Variants in SLC18A1 observed in about 807,000 individuals in gnomAD.
SLC18A1 encodes the protein chromaffin granule amine transporter.
SLC18A1 carries 69 observed loss-of-function variants against 53.7 expected under a neutral mutation model. The observed-to-expected ratio is 1.28, with a 90% confidence interval of 1.06 to 1.57. The LOEUF is 1.57. Ranked by LOEUF, SLC18A1 falls within the 40% of genes most tolerant of loss-of-function variation. SLC18A1 has a pLI of 0.00. For synonymous variants in SLC18A1, 320 were observed against 248.1 expected (o/e 1.29, Z -2.72); for missense variants, 932 against 668.1 (o/e 1.40, Z -4.35).
intron 10 of SLC18A1, among the ~76,000 whole-genome samples, chr8:20,161,126 C>T (rs930615567): frequency 6.6e-6 from 1 of 152,128 alleles, no homozygotes; most frequent in African/African-American, 2.4e-5. Context: ...TTCAATCCAT[C>T]CCAATAGTTT....
At chr8:20,151,294 A>G (rs2071548991) in intron 10 of SLC18A1, among the ~76,000 whole-genome samples, 1 of 151,976 alleles carries the variant, frequency 6.6e-6, no homozygotes, top group Admixed American at 6.6e-5. Context: ...GCCTAGCCTC[A>G]GTACATTTAA....
At chr8:20,174,068 TTCTC>T (rs1435629347) in intron 5 of SLC18A1, among the ~76,000 whole-genome samples, 2 of 151,866 alleles carry the variant, frequency 1.3e-5, no homozygotes, top group Non-Finnish European at 2.9e-5. Flanking sequence ...GGCTAACTTA[TTCTC>T]TCTTTTTTTT....
chr8:20,166,289 C>CTATATATATA (rs1181101416), intron 8 of SLC18A1, among the ~76,000 whole-genome samples: 45 of 107,244 alleles, frequency 4.2e-4, no homozygotes, highest in South Asian at 1.5e-3. Flanking sequence ...GTGTGTGTGT[C>CTATATATATA]TATATATATA....
At chr8:20,165,241 C>A (rs2071927997) in intron 8 of SLC18A1, 134 bp from the exon 9 acceptor site, 7 of 760,716 alleles carry the variant, frequency 9.2e-6, no homozygotes, top group Non-Finnish European at 1.5e-5. Context: ...AGACCAGGAA[C>A]CCCAGTACAG....
At chr8:20,180,182 G>A (rs898257714) in intron 2 of SLC18A1, among the ~76,000 whole-genome samples, 2 of 150,780 alleles carry the variant, frequency 1.3e-5, no homozygotes, top group Admixed American at 1.3e-4. Flanking sequence ...CTAATTCAGT[G>A]TTTGCAGCGA....
rs777605124 is a variant in SLC18A1, at chr8:20,178,416, G to T, written c.547+19C>A. ...AAGGTAATCAGTGAAGGGAAGAAAA[G>T]AGGAAGCAAATTACTTACTAACTGT... On this transcript the variant is annotated intron_variant, in intron 4 of 15. Coordinates refer to ENST00000276373, the MANE Select transcript of SLC18A1 (RefSeq NM_003053.4). 6 of 1,599,502 alleles carry T rather than the reference G, an allele frequency of 3.8e-6. No individual in the cohort carries two copies. Among genetic ancestry groups the T allele is most frequent in the Non-Finnish European group, 4.3e-6 (5 of 1,171,082 alleles).
intron 8 of SLC18A1, 77 bp downstream of exon 8, chr8:20,171,026 G>A (rs1480086823): frequency 1.4e-6 from 2 of 1,406,282 alleles, no homozygotes; most frequent in Non-Finnish European, 1.0e-6. Flanking sequence ...TCTTCTTATG[G>A]TTTGGCAGGC....
chr8:20,176,950 C>G (rs905493504), intron 4 of SLC18A1, among the ~76,000 whole-genome samples: 1 of 152,182 alleles, frequency 6.6e-6, no homozygotes, highest in African/African-American at 2.4e-5. Context: ...TGTCTCATGT[C>G]TCCCCAGGCA....
chr8:20,164,545 T>C (rs2071904850), intron 10 of SLC18A1, among the ~76,000 whole-genome samples: 2 of 152,006 alleles, frequency 1.3e-5, no homozygotes, highest in Non-Finnish European at 2.9e-5. Context: ...GCTCAGAGGG[T>C]TTAAGGCATC....
At position 20,147,234 on chromosome 8, in the gene SLC18A1, C is replaced by T. The variant is rs1440314894; in HGVS notation, c.1464+24G>A. The T allele has an allele frequency of 3.8e-6, 6 of 1,573,476 alleles. No homozygotes were observed. The Admixed American group carries it at 1.2e-4, about 31-fold the overall frequency. On this transcript the variant is annotated intron_variant, in intron 15 of 15. Transcript: ENST00000276373. ...TGGAAAGAAACAGAAGTGAATTTCTCTTTTAACAGTCGGTGCTCCTTACAA... is the reference window on the plus strand; with the variant it reads ...TGGAAAGAAACAGAAGTGAATTTCTTTTTTAACAGTCGGTGCTCCTTACAA...
rs1452896592 is a variant in SLC18A1, at chr8:20,166,318, TATATATATATATAC to T, written c.859-1225_859-1212del. Among the ~76,000 whole-genome samples the T allele has an allele frequency of 2.8e-3, 276 of 98,128 alleles. 15 individuals carry two copies. In the East Asian group the frequency reaches 0.038, roughly 14 times the overall value. 64.4% of individuals were successfully genotyped at this position (98,128 alleles called of 152,430 possible). On this transcript the variant is annotated intron_variant, in intron 8 of 15. Transcript: ENST00000276373. ...ATATATATATATATATATATATATA[TATATATATATATAC>T]ACCACCAGGTGGAAAATAATAAGGA...
At position 20,169,205 on chromosome 8, in the gene SLC18A1, T is replaced by C. The variant is rs115777650; in HGVS notation, c.858+1898A>G. 9.8e-4 allele frequency among the ~76,000 whole-genome samples: 149 copies of C among 152,232 alleles called. 2 individuals carry two copies. Among genetic ancestry groups the C allele is most frequent in the African/African-American group, 3.4e-3 (140 of 41,532 alleles). On this transcript the variant is annotated intron_variant, in intron 8 of 15. Transcript: ENST00000276373. The stretch of plus-strand genomic sequence containing the variant: ...ACAAACCAAATTTAGGAATACCCTA[T>C]AGATAATTGTCACAAATGTCAATGT...
chr8:20,155,094 A>C (rs35590614), intron 10 of SLC18A1, among the ~76,000 whole-genome samples: 12,128 of 152,166 alleles, frequency 0.08, 577 homozygotes, highest in Middle Eastern at 0.2. Flanking sequence ...CACATGGCCC[A>C]AGGTTCCATT....
intron 12 of SLC18A1, chr8:20,148,620 A>G: frequency 2.1e-6 from 1 of 470,434 alleles, no homozygotes; most frequent in Non-Finnish European, 4.1e-6. Context: ...AGCTTGTGAG[A>G]CTCATTCCCA....
chr8:20,150,667 G>A lies in SLC18A1; in HGVS notation c.1093C>T (p.Arg365Trp), dbSNP rs138845247. The A allele has an allele frequency of 6.9e-4, 1,113 of 1,613,698 alleles. 1 individual carries two copies. Among genetic ancestry groups the A allele is most frequent in the Non-Finnish European group, 8.9e-4 (1,048 of 1,179,682 alleles). The change falls in exon 11 of 16, where the codon CGG becomes TGG. Residue 365 changes from arginine (R) to tryptophan (W), a missense_variant and splice_region_variant. Arg to Trp is a moderately radical substitution (Grantham distance 101, BLOSUM62 -3). Transcript: ENST00000276373. Reference sequence around the variant, plus strand: ...GTCCCAGATCCCGAGGCTACATACCGACCCATCTTGTTGGCCAACACACCA... The same window carrying A: ...GTCCCAGATCCCGAGGCTACATACCAACCCATCTTGTTGGCCAACACACCA... Reference protein sequence around the residue: ...LFGVLANKMGRWLCSLIGMLV... With the variant: ...LFGVLANKMGWWLCSLIGMLV...
In SLC18A1 at chr8:20,181,079, G is replaced by T. The variant is rs2270642; in HGVS notation, c.-115C>A. 436,391 of 1,306,466 alleles carry T rather than the reference G, an allele frequency of 0.33. 76,118 individuals are homozygous for T. The highest frequency in any genetic ancestry group is 0.37 in the Middle Eastern group (1,477 of 3,976). The allele number at this position is 1,306,466 out of a possible 1,614,324, so 80.9% of individuals were successfully genotyped here. ...AGGGGAGGGAGTCTGCCCAGACGAA[G>T]GAAACTCACTATTAAAACGAAAAGT... On this transcript the variant is annotated 5_prime_UTR_variant, in exon 2 of 16. Coordinates refer to ENST00000276373, the MANE Select transcript of SLC18A1 (RefSeq NM_003053.4).
intron 10 of SLC18A1, among the ~76,000 whole-genome samples, chr8:20,160,997 G>T (rs1279285730): frequency 2.0e-5 from 3 of 152,126 alleles, no homozygotes; most frequent in Non-Finnish European, 4.4e-5. Flanking sequence ...ACCTACTAAA[G>T]GTTCCACTTC....
chr8:20,171,147 C>T lies in SLC18A1; in HGVS notation c.815-1G>A. On this transcript the variant is annotated splice_acceptor_variant, in intron 7 of 15. Transcript: ENST00000276373. LOFTEE classifies it high-confidence loss of function. ...GGCTGTAGGATGCAAAGCTGGAGTGCTAAGAAACAAAGAAGGTGAGACAGT... is the reference window on the plus strand; with the variant it reads ...GGCTGTAGGATGCAAAGCTGGAGTGTTAAGAAACAAAGAAGGTGAGACAGT... 6.2e-7 allele frequency: 1 copy of T among 1,614,158 alleles called. No individual in the cohort carries two copies. Among genetic ancestry groups the T allele is most frequent in the Non-Finnish European group, 8.5e-7 (1 of 1,180,020 alleles).
At chr8:20,170,120 A>G (rs981065879) in intron 8 of SLC18A1, among the ~76,000 whole-genome samples, 2 of 152,090 alleles carry the variant, frequency 1.3e-5, no homozygotes, top group African/African-American at 4.8e-5. Flanking sequence ...GGTGGTGGTT[A>G]TGACTTCCCT....
Sources: allele counts gnomAD v4.1 joint callset (sites outside exome capture counted in the v4.1 genomes callset), GRCh38; gene constraint gnomAD v4.1.1; transcripts MANE v1.5; gene names NCBI Gene and HGNC (gene_info 2026-07-23, HGNC 2026-07-21).